The following C5 variants were observed in gnomAD, a reference collection of about 807,000 sequenced individuals.
C5 encodes the protein C3 and PZP-like alpha-2-macroglobulin domain-containing protein 4.
In C5, 140 loss-of-function variants were observed where a neutral mutation model predicts 218.8. That is an observed-to-expected ratio of 0.64 (90% CI 0.56 to 0.74). The LOEUF is 0.74. Ranked by LOEUF, C5 falls within the 30% of genes least tolerant of loss-of-function variation. The pLI is 0.00. For missense variants in C5, 1,700 were observed against 1,969.6 expected, an observed-to-expected ratio of 0.86 and a Z score of 2.59; for synonymous variants, 614 against 682.3, an observed-to-expected ratio of 0.90 and a Z score of 1.56.
At chr9:121,046,945 G>A (rs941173373) in intron 1 of C5, among the ~76,000 whole-genome samples, 1 of 152,148 alleles carries the variant, frequency 6.6e-6, no homozygotes, top group South Asian at 2.1e-4. Context: ...TTTAAAGGGA[G>A]TGATCTTAGA....
chr9:120,982,377 T>C (rs948865435), intron 26 of C5, among the ~76,000 whole-genome samples: 5 of 152,220 alleles, frequency 3.3e-5, no homozygotes. Context: ...CAATAAGCCC[T>C]GGGTCTATCT....
In C5 at chr9:121,025,289, T is replaced by C. The variant is rs189861501; in HGVS notation, c.1000+165A>G. Reference sequence around the variant, plus strand: ...GAAGCAGAGCCCTACTGCCTTTTTATAACTATATAAAAGTCTACTTCTTAT... The same window carrying C: ...GAAGCAGAGCCCTACTGCCTTTTTACAACTATATAAAAGTCTACTTCTTAT... On this transcript the variant is annotated intron_variant, in intron 9 of 40. Coordinates refer to ENST00000223642, the MANE Select transcript of C5 (RefSeq NM_001735.3). 3.9e-4 allele frequency among the ~76,000 whole-genome samples: 60 copies of C among 152,290 alleles called. 1 individual carries two copies. Among genetic ancestry groups the C allele is most frequent in the Non-Finnish European group, 8.5e-4 (58 of 68,024 alleles).
chr9:120,997,916 C>A, intron 20 of C5, 142 bp from the exon 21 acceptor site: 1 of 674,314 alleles, frequency 1.5e-6, no homozygotes, highest in Non-Finnish European at 2.6e-6. Flanking sequence ...AATTCTCCTG[C>A]CTCAGCCTCC....
At chr9:121,046,169 A>G (rs751561655) in intron 2 of C5, 22 bp downstream of exon 2, 1 of 1,286,492 alleles carries the variant, frequency 7.8e-7, no homozygotes, top group South Asian at 1.3e-5. Flanking sequence ...ATATATAAAG[A>G]AAATAAAGGA....
At chr9:121,011,046 A>G (rs892601355) in intron 17 of C5, among the ~76,000 whole-genome samples, 1 of 152,230 alleles carries the variant, frequency 6.6e-6, no homozygotes, top group Non-Finnish European at 1.5e-5. Context: ...AAACACTGGG[A>G]AAACTCTCTA....
chr9:121,027,310 T>C (rs2047432811), intron 7 of C5, 36 bp from the exon 8 acceptor site: 4 of 968,954 alleles, frequency 4.1e-6, no homozygotes, highest in Non-Finnish European at 4.9e-6. Flanking sequence ...TTTACTAACA[T>C]GGTTACAATA....
chr9:121,019,901 C>T (rs2047347942), intron 12 of C5, 75 bp downstream of exon 12: 2 of 914,874 alleles, frequency 2.2e-6, no homozygotes, highest in South Asian at 1.4e-5. Context: ...AAGGATAATT[C>T]TAATGCCTCT....
chr9:121,037,193 T>C (rs1271520037), intron 4 of C5, among the ~76,000 whole-genome samples: 2 of 152,092 alleles, frequency 1.3e-5, no homozygotes, highest in African/African-American at 2.4e-5. Flanking sequence ...TAAATATAGT[T>C]CTTTTGCACA....
At chr9:120,986,102 C>G (rs569361417) in intron 25 of C5, among the ~76,000 whole-genome samples, 5 of 152,174 alleles carry the variant, frequency 3.3e-5, no homozygotes, top group South Asian at 2.1e-4. Context: ...AGTCTGCCAT[C>G]TCCTTGGGTT....
chr9:121,070,922 G>C, the C5 span, among the ~76,000 whole-genome samples: 2 of 152,128 alleles, frequency 1.3e-5, no homozygotes, highest in Non-Finnish European at 2.9e-5. Context: ...TGGGATGATG[G>C]ATATGCTAAT....
intron 28 of C5, among the ~76,000 whole-genome samples, chr9:120,978,187 A>G (rs994189498): frequency 2.0e-5 from 3 of 152,188 alleles, no homozygotes; most frequent in African/African-American, 7.2e-5. Context: ...TAGGCTGTAA[A>G]TTATATTTGT....
chr9:120,953,472 G>C (rs984584882), intron 40 of C5, among the ~76,000 whole-genome samples: 3 of 152,192 alleles, frequency 2.0e-5, no homozygotes, highest in African/African-American at 7.2e-5. Flanking sequence ...CAAGGGAGCT[G>C]GTGTGGTGGT....
At chr9:120,999,347 A>G (rs991649263) in intron 20 of C5, among the ~76,000 whole-genome samples, 1 of 152,188 alleles carries the variant, frequency 6.6e-6, no homozygotes, top group Non-Finnish European at 1.5e-5. Flanking sequence ...CCCGCTTTTT[A>G]TAGCTTTACC....
chr9:121,065,212 C>T, the C5 span, among the ~76,000 whole-genome samples: 1 of 152,114 alleles, frequency 6.6e-6, no homozygotes, highest in Non-Finnish European at 1.5e-5. Context: ...AACATTCCAT[C>T]AAAGAGGACA....
At chr9:121,068,389 A>G in the C5 span, among the ~76,000 whole-genome samples, 1 of 152,178 alleles carries the variant, frequency 6.6e-6, no homozygotes, top group Admixed American at 6.5e-5. Flanking sequence ...TACAATAGCT[A>G]TTAAAAAAAC....
Position 120,981,853 on chromosome 9 carries a change from G to A in C5, c.3477C>T (p.Cys1159=), listed in dbSNP as rs1263848716. The A allele has an allele frequency of 6.2e-7, 1 of 1,609,730 alleles. No individual in the cohort carries two copies. Among genetic ancestry groups the A allele is most frequent in the Non-Finnish European group, 8.5e-7 (1 of 1,176,112 alleles). Residue 1159 remains cysteine (C), a synonymous_variant, in exon 27 of 41, where the codon TGC becomes TGT. Transcript: ENST00000223642. ...VIGIRKAFDI[C]PLVKIDTALI... is the part of the protein sequence containing the mutation. The stretch of plus-strand genomic sequence containing the variant: ...GAAAACTCTTACTTACCACCAGGGG[G>A]CATATATCGAAAGCCTTTCTAATTC...
At chr9:121,025,358 T>C (rs1587987526) in intron 9 of C5, 96 bp downstream of exon 9, 4 of 1,272,822 alleles carry the variant, frequency 3.1e-6, no homozygotes, top group South Asian at 1.8e-5. Flanking sequence ...GAAATAATTA[T>C]AGAAATTGGA....
chr9:120,993,448 A>C (rs1260814918), intron 22 of C5, among the ~76,000 whole-genome samples: 3 of 152,174 alleles, frequency 2.0e-5, no homozygotes, highest in Non-Finnish European at 4.4e-5. Context: ...TTTGAGACGG[A>C]GTCTCGCTCT....
Position 120,952,539 on chromosome 9 carries a change from C to A in C5, c.*200G>T, listed in dbSNP as rs2046751891. On this transcript the variant is annotated 3_prime_UTR_variant, in exon 41 of 41. Transcript: ENST00000223642. ...CTTGGAGGAGTATCTGTCTTCATGC[C>A]CTCCAAGGCCATGTTATTTCAGAAA... 2.0e-6 allele frequency: 1 copy of A among 502,462 alleles called. No homozygotes were observed. Among genetic ancestry groups the A allele is most frequent in the Non-Finnish European group, 3.6e-6 (1 of 280,998 alleles). 31.1% of individuals were successfully genotyped at this position (502,462 alleles called of 1,614,324 possible).
Sources: allele counts gnomAD v4.1 joint callset (sites outside exome capture counted in the v4.1 genomes callset), GRCh38; gene constraint gnomAD v4.1.1; transcripts MANE v1.5; gene names NCBI Gene and HGNC (gene_info 2026-07-23, HGNC 2026-07-21).